DSG3: variants seen among roughly 807,000 people sequenced by gnomAD.
DSG3 encodes the protein desmoglein 3.
Under a neutral mutation model 85.9 loss-of-function variants are expected in DSG3, and 63 were observed. The observed-to-expected ratio is 0.73, with a 90% CI of 0.60 to 0.90. The LOEUF (loss-of-function observed/expected upper bound fraction) is 0.90, where lower values mean the gene tolerates loss of function less well. DSG3 is among the 40% of genes least tolerant of loss of function. The pLI, the probability that DSG3 is intolerant of heterozygous loss-of-function variation, is 0.00. For synonymous variants in DSG3, 447 were observed against 441.9 expected, an observed-to-expected ratio of 1.01 and a Z score of -0.14; for missense variants, 1,220 against 1,219.9, an observed-to-expected ratio of 1.00 and a Z score of 0.00.
chr18:31,458,861 C>T (rs995725689), intron 4 of DSG3, among the ~76,000 whole-genome samples, 172 bp from the exon 5 acceptor site: 3 of 152,210 alleles, frequency 2.0e-5, no homozygotes, highest in African/African-American at 7.2e-5. Flanking sequence ...GCAACTTGCC[C>T]AGTTGGTCTG....
At position 31,476,340 on chromosome 18, in the gene DSG3, TG is replaced by T. The variant is rs2072888219; in HGVS notation, c.*81del. 3.4e-6 allele frequency: 5 copies of T among 1,486,970 alleles called. No individual in the cohort carries two copies. The South Asian group carries it at 6.8e-5, about 20-fold the overall frequency. The allele number at this position is 1,486,970 out of a possible 1,614,324, so 92.1% of individuals were successfully genotyped here. A position where few individuals can be genotyped will look rare whatever the true frequency, so the allele number is the denominator to read the frequency against. ...TTCAAAATAGCATAGCAAAGCTCACTGTATTGGGCTAATAATTTGGCACTTA... is the reference window on the plus strand; with the variant it reads ...TTCAAAATAGCATAGCAAAGCTCACTTATTGGGCTAATAATTTGGCACTTA... On this transcript the variant is annotated 3_prime_UTR_variant, in exon 16 of 16. Transcript: ENST00000257189.
chr18:31,454,922 C>T (rs2072732894), intron 1 of DSG3, among the ~76,000 whole-genome samples: 1 of 151,014 alleles, frequency 6.6e-6, no homozygotes, highest in Non-Finnish European at 1.5e-5. Context: ...CCCTTGAACC[C>T]GGGAGACGAA....
In DSG3 at chr18:31,477,273, C is replaced by T. The variant is rs1170406674; in HGVS notation, c.*1013C>T. ...GGATCTATCCAAAGAAAATATTTTA[C>T]ACTGAGCTCCTTCCTACACGTCTCA... is the stretch of plus-strand genomic sequence containing the variant. On this transcript the variant is annotated 3_prime_UTR_variant, in exon 16 of 16. Coordinates refer to ENST00000257189, the MANE Select transcript of DSG3 (RefSeq NM_001944.3). 6.6e-6 allele frequency: 1 copy of T among 152,156 alleles called. No homozygotes were observed. Among genetic ancestry groups the T allele is most frequent in the African/African-American group, 2.4e-5 (1 of 41,432 alleles). The allele number at this position is 152,156 out of a possible 1,614,324, so 9.4% of individuals were successfully genotyped here.
Position 31,466,541 on chromosome 18 carries a change from A to G in DSG3, c.1423A>G (p.Lys475Glu), listed in dbSNP as rs2072819565. The G allele has an allele frequency of 3.1e-6, 5 of 1,614,036 alleles. No individual in the cohort carries two copies. The highest frequency in any genetic ancestry group is 3.4e-6 in the Non-Finnish European group (4 of 1,179,980). The change falls in exon 11 of 16, where the codon AAA becomes GAA. Residue 475 changes from lysine (K) to glutamate (E), a missense_variant. By Grantham distance (56) the Lys-to-Glu change is moderately conservative. Coordinates refer to ENST00000257189, the MANE Select transcript of DSG3 (RefSeq NM_001944.3). ...CATTGTTCTTACAGAATACACGGGT[A>G]AAACTTCTACAGGCACGGTATATGT... The part of the protein sequence containing the change: ...EVLAIDEYTG[K>E]TSTGTVYVRV...
At chr18:31,447,963 T>G (rs762935021) in intron 1 of DSG3, 38 bp downstream of exon 1, 1 of 1,481,826 alleles carries the variant, frequency 6.7e-7, no homozygotes, top group South Asian at 1.3e-5. Flanking sequence ...CAAACTTCCC[T>G]GCTTCCTCCC....
intron 14 of DSG3, 121 bp from the exon 15 acceptor site, chr18:31,474,000 T>A: frequency 1.1e-6 from 1 of 899,008 alleles, no homozygotes; most frequent in Non-Finnish European, 1.7e-6. Flanking sequence ...AGTCATATAA[T>A]TGTATTTTCT....
At chr18:31,472,859 A>G (rs2144245149) in intron 14 of DSG3, 71 bp downstream of exon 14, 2 of 1,374,854 alleles carry the variant, frequency 1.5e-6, no homozygotes, top group East Asian at 2.3e-5. Flanking sequence ...AGAAGTGTTC[A>G]AACTATCTTC....
chr18:31,474,427 G>T, intron 15 of DSG3, 23 bp downstream of exon 15: 1 of 1,581,310 alleles, frequency 6.3e-7, no homozygotes, highest in Non-Finnish European at 8.6e-7. Context: ...AAAACTTTGT[G>T]GCTTGATTAT....
rs2072897489 is a variant in DSG3 at position 31,477,698 on chromosome 18, C to A, written c.*1438C>A. ...AAAGGTTTAGATGTATCACTTCATG[C>A]ATGCTACCATGATAGTAATGCAGCT... On this transcript the variant is annotated 3_prime_UTR_variant, in exon 16 of 16. Transcript: ENST00000257189. 1 of 152,164 alleles carries A rather than the reference C, an allele frequency of 6.6e-6. No individual in the cohort carries two copies. The allele number at this position is 152,164 out of a possible 1,614,324, so 9.4% of individuals were successfully genotyped here. A position where few individuals can be genotyped will look rare whatever the true frequency, so the allele number is the denominator to read the frequency against.
In DSG3 at chr18:31,469,069, G is replaced by T; in HGVS notation, c.1637-20G>T. The T allele has an allele frequency of 6.2e-7, 1 of 1,609,900 alleles. No individual in the cohort carries two copies. Among genetic ancestry groups the T allele is most frequent in the Non-Finnish European group, 8.5e-7 (1 of 1,176,386 alleles). ...AGACACTTCGTCCTACTGTTGATTT[G>T]CATGATTCTTTCTCTACAGCTACCT... On this transcript the variant is annotated intron_variant, in intron 11 of 15. Transcript: ENST00000257189.
At chr18:31,449,370 A>G (rs1397255089) in intron 1 of DSG3, among the ~76,000 whole-genome samples, 3 of 152,316 alleles carry the variant, frequency 2.0e-5, no homozygotes, top group East Asian at 1.9e-4. Context: ...GTCCAAGCCA[A>G]TGGCAAAGCT....
At chr18:31,459,000 G>A (rs749035358) in intron 4 of DSG3, 33 bp from the exon 5 acceptor site, 2 of 1,608,130 alleles carry the variant, frequency 1.2e-6, no homozygotes, top group Non-Finnish European at 8.5e-7. Flanking sequence ...ACTGATTGCA[G>A]AGTAATACTC....
At position 31,472,705 on chromosome 18, in the gene DSG3, AT is replaced by A. The variant is rs1418393833; in HGVS notation, c.2038-15del. 1 of 1,613,070 alleles carries A rather than the reference AT, an allele frequency of 6.2e-7. No individual in the cohort carries two copies. Among genetic ancestry groups the A allele is most frequent in the Non-Finnish European group, 8.5e-7 (1 of 1,179,324 alleles). On this transcript the variant is annotated intron_variant, in intron 13 of 15. Transcript: ENST00000257189. ...ATCTGGTTCACTTTTAAATGAATTTATTTTTCACATGGTTTGCAGGAAATCA... is the reference window on the plus strand; with the variant it reads ...ATCTGGTTCACTTTTAAATGAATTTATTTTCACATGGTTTGCAGGAAATCA...
chr18:31,459,479 G>C (rs1162706688), intron 5 of DSG3, among the ~76,000 whole-genome samples: 6 of 152,124 alleles, frequency 3.9e-5, no homozygotes, highest in African/African-American at 1.2e-4. Context: ...TGGGTAGCCT[G>C]GATGCATCAG....
chr18:31,464,345 A>C lies in DSG3; in HGVS notation c.1234A>C (p.Ile412Leu), dbSNP rs370854938. The C allele has an allele frequency of 1.2e-6, 2 of 1,613,828 alleles. No individual in the cohort carries two copies. Among genetic ancestry groups the C allele is most frequent in the Non-Finnish European group, 1.7e-6 (2 of 1,179,920 alleles). Reference protein sequence around the residue: ...VDYILGTYQAIDEDTNKAASN... With the variant: ...VDYILGTYQALDEDTNKAASN... Reference sequence around the variant, plus strand: ...TTATATCCTGGGAACATATCAAGCCATCGATGAGGACACTAACAAAGCTGC... The same window carrying C: ...TTATATCCTGGGAACATATCAAGCCCTCGATGAGGACACTAACAAAGCTGC... Residue 412 changes from isoleucine to leucine, a missense_variant, in exon 9 of 16, where the codon ATC (isoleucine) becomes CTC (leucine). Coordinates refer to ENST00000257189, the MANE Select transcript of DSG3 (RefSeq NM_001944.3).
chr18:31,466,814 A>G, intron 11 of DSG3, 60 bp downstream of exon 11: 1 of 1,458,324 alleles, frequency 6.9e-7, no homozygotes, highest in Admixed American at 1.7e-5. Context: ...TTCCAGAAGA[A>G]TAAGGAAGAT....
At position 31,476,146 on chromosome 18, in the gene DSG3, A is replaced by C. The variant is rs1213707235; in HGVS notation, c.2886A>C (p.Thr962=). ...DPLLTQNVIV[T]ERVICPISSV... ...TTCTCACACAAAATGTGATAGTGAC[A>C]GAAAGGGTGATCTGTCCCATTTCCA... The change falls in exon 16 of 16, where the codon ACA becomes ACC. Residue 962 remains threonine, a synonymous_variant. Coordinates refer to ENST00000257189, the MANE Select transcript of DSG3 (RefSeq NM_001944.3). 1 of 1,614,084 alleles carries C rather than the reference A, an allele frequency of 6.2e-7. No individual in the cohort carries two copies. Among genetic ancestry groups the C allele is most frequent in the Non-Finnish European group, 8.5e-7 (1 of 1,180,038 alleles).
chr18:31,470,889 A>G (rs2072851519), intron 12 of DSG3, among the ~76,000 whole-genome samples: 1 of 152,240 alleles, frequency 6.6e-6, no homozygotes, highest in African/African-American at 2.4e-5. Context: ...AAAGTGAAGG[A>G]GCAACAGAGA....
chr18:31,465,716 C>A (rs1223297790), intron 10 of DSG3, among the ~76,000 whole-genome samples: 3 of 152,116 alleles, frequency 2.0e-5, no homozygotes, highest in Non-Finnish European at 4.4e-5. Context: ...AATTTTTTGA[C>A]TGACAGAAAT....
Sources: gnomAD v4.1 joint callset for allele counts (sites outside exome capture counted in the v4.1 genomes callset) on GRCh38, gnomAD v4.1.1 for gene constraint, MANE v1.5 for transcripts, NCBI Gene and HGNC (gene_info 2026-07-23, HGNC 2026-07-21) for gene names.